The following ANKHD1 variants were observed in gnomAD, a reference collection of about 807,000 sequenced individuals.
The protein encoded by ANKHD1 is ankyrin repeat and KH domain-containing protein 1.
A neutral mutation model predicts 230.5 loss-of-function variants in ANKHD1; 31 were observed. The ratio of observed to expected loss-of-function variants is 0.13; its 90% CI spans 0.10 to 0.18. The LOEUF (loss-of-function observed/expected upper bound fraction) is 0.18. Among genes scored for constraint, ANKHD1 ranks in the 10% least tolerant of loss-of-function variants. The probability of loss-of-function intolerance (pLI) is 1.00; values close to 1 mark genes in which losing one functional copy is unlikely to be tolerated. For missense variants in ANKHD1, 2,256 were observed against 3,071.3 expected (o/e 0.73, Z 6.27); for synonymous variants, 1,074 against 1,117.6 (o/e 0.96, Z 0.78).
At chr5:140,516,264 C>T (rs1193863142) in intron 24 of ANKHD1, among the ~76,000 whole-genome samples, 4 of 151,992 alleles carry the variant, frequency 2.6e-5, no homozygotes, top group Non-Finnish European at 4.4e-5. Context: ...TAAAAAGAAA[C>T]GAGCAAAGCC....
chr5:140,472,413 AG>A (rs1776558477), intron 10 of ANKHD1: 1 of 1,446,352 alleles, frequency 6.9e-7, no homozygotes, highest in African/African-American at 1.5e-5. Context: ...TGGGTGACAA[AG>A]GAAATCCTCT....
chr5:140,491,167 T>A (rs1294750394), intron 14 of ANKHD1, among the ~76,000 whole-genome samples: 19 of 119,284 alleles, frequency 1.6e-4, no homozygotes, highest in African/African-American at 5.0e-4. Flanking sequence ...TATATTTTTT[T>A]TTTTTTTTTT....
chr5:140,448,034 G>A (rs533762147), intron 6 of ANKHD1, among the ~76,000 whole-genome samples: 2 of 152,210 alleles, frequency 1.3e-5, no homozygotes, highest in Admixed American at 1.3e-4. Flanking sequence ...TATAATCCCA[G>A]CATTTTGGGA....
chr5:140,446,287 T>TA (rs1263485195), intron 6 of ANKHD1, among the ~76,000 whole-genome samples: 1 of 152,176 alleles, frequency 6.6e-6, no homozygotes, highest in African/African-American at 2.4e-5. Context: ...AATGTTTATT[T>TA]AAAAAATAGT....
chr5:140,489,190 C>CAA (rs778116522), intron 14 of ANKHD1, among the ~76,000 whole-genome samples: 4 of 82,780 alleles, frequency 4.8e-5, no homozygotes, highest in Non-Finnish European at 5.0e-5. Flanking sequence ...ACCTTGTCTC[C>CAA]AAAAAAAAAA....
At chr5:140,412,307 G>A (rs1318211663) in intron 1 of ANKHD1, among the ~76,000 whole-genome samples, 3 of 152,112 alleles carry the variant, frequency 2.0e-5, no homozygotes, top group Non-Finnish European at 2.9e-5. Flanking sequence ...TGCGATTACA[G>A]GCGTGAGCCA....
chr5:140,510,732 C>T (rs1752728875), intron 22 of ANKHD1, among the ~76,000 whole-genome samples: 1 of 152,052 alleles, frequency 6.6e-6, no homozygotes, highest in South Asian at 2.1e-4. Flanking sequence ...TTAAGAAAAA[C>T]TATTATATGC....
chr5:140,515,141 G>A (rs900741527), intron 24 of ANKHD1, among the ~76,000 whole-genome samples: 2 of 151,268 alleles, frequency 1.3e-5, no homozygotes, highest in African/African-American at 4.9e-5. Context: ...AGCTGGGTGT[G>A]GTAGTGCATG....
chr5:140,460,346 C>T (rs1005728932), intron 9 of ANKHD1, among the ~76,000 whole-genome samples: 2 of 151,588 alleles, frequency 1.3e-5, no homozygotes, highest in African/African-American at 4.8e-5. Flanking sequence ...TTTACCACGT[C>T]TGATATATTA....
intron 24 of ANKHD1, among the ~76,000 whole-genome samples, chr5:140,515,730 A>T (rs576333046): frequency 2.8e-4 from 42 of 152,336 alleles, no homozygotes; most frequent in Admixed American, 2.7e-3. Flanking sequence ...CCTGCAGCTG[A>T]GGGTCCTGTC....
At chr5:140,437,861 C>A (rs977150667) in intron 2 of ANKHD1, among the ~76,000 whole-genome samples, 2 of 152,154 alleles carry the variant, frequency 1.3e-5, no homozygotes, top group Non-Finnish European at 2.9e-5. Context: ...ATGAAAAATA[C>A]CTCACCATTT....
intron 7 of ANKHD1, among the ~76,000 whole-genome samples, chr5:140,453,525 C>T (rs1434047960): frequency 6.6e-6 from 1 of 152,194 alleles, no homozygotes; most frequent in Non-Finnish European, 1.5e-5. Context: ...TTGGCAGAAA[C>T]TCTACAAGCC....
chr5:140,404,194 G>A (rs533218825), intron 1 of ANKHD1, among the ~76,000 whole-genome samples: 32 of 152,290 alleles, frequency 2.1e-4, no homozygotes, highest in Admixed American at 2.0e-3. Context: ...AGTGAAACGT[G>A]AGAGATTAAG....
chr5:140,401,905 C>G lies in ANKHD1; in HGVS notation c.-63C>G, dbSNP rs761993756. The G allele has an allele frequency of 4.6e-6, 7 of 1,508,862 alleles. No homozygotes were observed. The African/African-American group carries it at 5.8e-5, about 13-fold the overall frequency. 93.5% of individuals were successfully genotyped at this position (1,508,862 alleles called of 1,614,324 possible). On this transcript the variant is annotated 5_prime_UTR_variant, in exon 1 of 34. Transcript: ENST00000360839. ...TTCCTCTTGCTGCTCTTCTCGTTCC[C>G]GAGATCAGCGGCGGCGGTGACCGCG... is the stretch of plus-strand genomic sequence containing the variant.
intron 11 of ANKHD1, among the ~76,000 whole-genome samples, chr5:140,482,955 C>G (rs1751350224): frequency 6.6e-6 from 1 of 152,188 alleles, no homozygotes; most frequent in African/African-American, 2.4e-5. Context: ...GGATATGCAA[C>G]AGCTAATGAT....
At chr5:140,436,334 A>G in intron 2 of ANKHD1, 77 bp downstream of exon 2, 1 of 1,306,080 alleles carries the variant, frequency 7.7e-7, no homozygotes, top group Non-Finnish European at 9.8e-7. Flanking sequence ...GATTATCCCC[A>G]AATTCTATAA....
At chr5:140,414,193 A>G (rs1272176198) in intron 1 of ANKHD1, among the ~76,000 whole-genome samples, 1 of 152,156 alleles carries the variant, frequency 6.6e-6, no homozygotes, top group Admixed American at 6.6e-5. Flanking sequence ...GCATTCAATT[A>G]TTTTAGGTAT....
chr5:140,404,832 C>A (rs190245806), intron 1 of ANKHD1, among the ~76,000 whole-genome samples: 1 of 151,548 alleles, frequency 6.6e-6, no homozygotes. Context: ...GTAGCTGGGA[C>A]TATAGGCACA....
chr5:140,524,266 C>T lies in ANKHD1; in HGVS notation c.4492+26C>T, dbSNP rs770038547. ...GTGAGAAACAAACCATCTGAATTAA[C>T]GATAAAATTCTCCTTTGTTTATCAA... On this transcript the variant is annotated intron_variant, in intron 25 of 33. Coordinates refer to ENST00000360839, the MANE Select transcript of ANKHD1 (RefSeq NM_017747.3). 13 of 1,537,266 alleles carry T rather than the reference C, an allele frequency of 8.5e-6. No individual in the cohort carries two copies. The Admixed American group carries it at 1.7e-4, about 21-fold the overall frequency.
Sources: allele counts gnomAD v4.1 joint callset (sites outside exome capture counted in the v4.1 genomes callset), GRCh38; gene constraint gnomAD v4.1.1; transcripts MANE v1.5; gene names NCBI Gene and HGNC (gene_info 2026-07-23, HGNC 2026-07-21).